Variants in ZNF831 observed in about 807,000 individuals in gnomAD.
ZNF831 encodes the protein zinc finger protein 831, also known as chromosome 20 open reading frame 174.
ZNF831 carries 59 observed loss-of-function variants against 95.8 expected under a neutral mutation model. The ratio of observed to expected loss-of-function variants is 0.62; its 90% CI spans 0.50 to 0.77. The LOEUF (loss-of-function observed/expected upper bound fraction) is 0.77, where lower values mean the gene tolerates loss of function less well. ZNF831 is among the 30% of genes least tolerant of loss of function. The pLI is 0.00. For synonymous variants in ZNF831, 961 were observed against 925.5 expected (o/e 1.04, Z -0.70); for missense variants, 2,205 against 2,164.0 (o/e 1.02, Z -0.38).
At chr20:59,244,762 A>G (rs1004992735) in intron 4 of ZNF831, among the ~76,000 whole-genome samples, 5 of 152,150 alleles carry the variant, frequency 3.3e-5, no homozygotes, top group Non-Finnish European at 4.4e-5. Context: ...TCTTCTTAAT[A>G]TGTTTTGTAT....
chr20:59,212,481 TA>T (rs1425093616), intron 4 of ZNF831, among the ~76,000 whole-genome samples: 2 of 152,202 alleles, frequency 1.3e-5, no homozygotes, highest in Non-Finnish European at 2.9e-5. Context: ...TCTTTTTAAA[TA>T]TCAACTAAGG....
intron 5 of ZNF831, among the ~76,000 whole-genome samples, 187 bp from the exon 6 acceptor site, chr20:59,253,711 C>T (rs543882875): frequency 1.8e-4 from 28 of 152,216 alleles, no homozygotes; most frequent in South Asian, 1.2e-3. Flanking sequence ...GAGCTTTATT[C>T]GAGTTAATGC....
At chr20:59,164,229 A>G (rs1010719712) in intron 1 of ZNF831, among the ~76,000 whole-genome samples, 22 bp downstream of exon 1, 3 of 152,216 alleles carry the variant, frequency 2.0e-5, no homozygotes, top group African/African-American at 7.2e-5. Context: ...GCTCCATGAC[A>G]TAAGCATATA....
intron 4 of ZNF831, among the ~76,000 whole-genome samples, chr20:59,220,448 G>T (rs903692540): frequency 1.3e-5 from 2 of 152,202 alleles, no homozygotes; most frequent in Non-Finnish European, 2.9e-5. Flanking sequence ...TAAGGTGTGA[G>T]TGGAACCTAG....
At chr20:59,149,817 T>C (rs1038154735) in intron 2 of ZNF831, among the ~76,000 whole-genome samples, 8 of 152,262 alleles carry the variant, frequency 5.3e-5, no homozygotes, top group Non-Finnish European at 1.0e-4. Flanking sequence ...CCACTGCCTT[T>C]TTCTGTGGAA....
At position 59,255,673 on chromosome 20, in the gene ZNF831, C is replaced by T. The variant is rs1206944665; in HGVS notation, c.*930C>T. The stretch of plus-strand genomic sequence containing the variant: ...ATTTTAGTAATCTGTACAGCTTCAA[C>T]TGATGCCTGCTCGTCGTGACGGGAG... On this transcript the variant is annotated 3_prime_UTR_variant, in exon 6 of 6. Transcript: ENST00000371030. The T allele has an allele frequency of 6.6e-6, 1 of 152,224 alleles. No homozygotes were observed. Among genetic ancestry groups the T allele is most frequent in the East Asian group, 1.9e-4 (1 of 5,206 alleles). The allele number at this position is 152,224 out of a possible 1,614,324, so 9.4% of individuals were successfully genotyped here.
upstream of ZNF831, among the ~76,000 whole-genome samples, chr20:59,161,373 G>C (rs1244198645): frequency 2.6e-5 from 4 of 152,056 alleles, no homozygotes; most frequent in Admixed American, 6.6e-5. Context: ...TGGCTCCTGG[G>C]TTCAAGCTAT....
chr20:59,137,008 C>T lies in ZNF831; in HGVS notation c.-1424-9223C>T, dbSNP rs149998364. On this transcript the variant is annotated intron_variant, in intron 1 of 7. Transcript: ENST00000637017. ...CCTCCTGGAATAAGCTGGTGAAGCA[C>T]CTTGGACTATGTGGGCAAGGGCATT... 2.4e-3 allele frequency among the ~76,000 whole-genome samples: 368 copies of T among 152,300 alleles called. 3 individuals carry two copies. The highest frequency in any genetic ancestry group is 8.5e-3 in the African/African-American group (352 of 41,570).
At chr20:59,237,579 T>G (rs1187767101) in intron 4 of ZNF831, among the ~76,000 whole-genome samples, 1 of 152,186 alleles carries the variant, frequency 6.6e-6, no homozygotes, top group Non-Finnish European at 1.5e-5. Context: ...GCTCTTGACC[T>G]CAGGTGATGC....
intron 4 of ZNF831, among the ~76,000 whole-genome samples, chr20:59,216,430 T>C (rs1985684176): frequency 6.6e-6 from 1 of 152,214 alleles, no homozygotes. Context: ...TATTGATTGA[T>C]TGACTGAGAT....
chr20:59,225,847 T>C (rs1468140211), intron 4 of ZNF831, among the ~76,000 whole-genome samples: 3 of 152,076 alleles, frequency 2.0e-5, no homozygotes, highest in Non-Finnish European at 2.9e-5. Flanking sequence ...AAAACCCAGC[T>C]CAAAAAGGTT....
Position 59,194,589 on chromosome 20 carries a change from C to A in ZNF831, c.3570C>A (p.Arg1190=), listed in dbSNP as rs376827018. Residue 1190 remains arginine, a synonymous_variant, in exon 2 of 6, where the codon CGC becomes CGA. Coordinates refer to ENST00000371030, the MANE Select transcript of ZNF831 (RefSeq NM_178457.3). ...EPRLTWCCLS[R]SVPLPAEQKA... ...GGCTCACGTGGTGTTGCCTGAGCCG[C>A]AGTGTCCCTCTGCCCGCGGAGCAGA... The A allele has an allele frequency of 3.7e-6, 6 of 1,611,154 alleles. No homozygotes were observed. Among genetic ancestry groups the A allele is most frequent in the Non-Finnish European group, 5.1e-6 (6 of 1,178,508 alleles).
At chr20:59,251,331 C>T (rs965611052) in intron 4 of ZNF831, among the ~76,000 whole-genome samples, 1 of 152,094 alleles carries the variant, frequency 6.6e-6, no homozygotes, top group African/African-American at 2.4e-5. Flanking sequence ...GAACGACATA[C>T]AAAAAGATTT....
At chr20:59,163,014 G>GGTGTGTGTGT (rs58451639), upstream of ZNF831, among the ~76,000 whole-genome samples, 9 of 136,530 alleles carry the variant, frequency 6.6e-5, no homozygotes, top group African/African-American at 1.9e-4. Context: ...TGTATTCCTA[G>GGTGTGTGTGT]GTGTGTGTGT....
At chr20:59,210,536 C>T (rs975927762) in intron 4 of ZNF831, among the ~76,000 whole-genome samples, 1 of 152,208 alleles carries the variant, frequency 6.6e-6, no homozygotes, top group Non-Finnish European at 1.5e-5. Flanking sequence ...CAGTTCCCAA[C>T]GTGTTCCATG....
intron 1 of ZNF831, among the ~76,000 whole-genome samples, chr20:59,189,201 A>G (rs1029396714): frequency 2.0e-5 from 3 of 152,130 alleles, no homozygotes; most frequent in Non-Finnish European, 4.4e-5. Context: ...TAAAAAAATA[A>G]AAAAATAAAA....
chr20:59,252,890 T>C (rs1987966986), intron 4 of ZNF831, 88 bp from the exon 5 acceptor site: 35 of 1,428,816 alleles, frequency 2.4e-5, no homozygotes, highest in Non-Finnish European at 3.2e-5. Flanking sequence ...TCAGAGGCGA[T>C]CAAGAAGTCA....
intron 1 of ZNF831, among the ~76,000 whole-genome samples, chr20:59,132,572 CT>C (rs1370028520): frequency 6.6e-6 from 1 of 152,156 alleles, no homozygotes; most frequent in African/African-American, 2.4e-5. Context: ...ACCTGCTTTT[CT>C]TTTGATGATC....
rs776662955 is a variant in ZNF831 at position 59,194,625 on chromosome 20, G to A, written c.3606G>A (p.Ala1202=). The change falls in exon 2 of 6, where the codon GCG becomes GCA. Residue 1202 remains alanine, a synonymous_variant. Transcript: ENST00000371030. ...VPLPAEQKAK[A]ASVYLAVHFP... is the part of the protein sequence containing the mutation. ...TGCCCGCGGAGCAGAAGGCAAAGGC[G>A]GCATCTGTGTACTTGGCGGTGCACT... 53 of 1,613,492 alleles carry A rather than the reference G, an allele frequency of 3.3e-5. No individual in the cohort carries two copies. Among genetic ancestry groups the A allele is most frequent in the East Asian group, 2.5e-4 (11 of 44,888 alleles).
Sources: gnomAD v4.1 joint callset for allele counts (sites outside exome capture counted in the v4.1 genomes callset) on GRCh38, gnomAD v4.1.1 for gene constraint, MANE v1.5 for transcripts, NCBI Gene and HGNC (gene_info 2026-07-23, HGNC 2026-07-21) for gene names.